Variants in AGBL1 observed in about 807,000 individuals in gnomAD.
AGBL1 encodes cytosolic carboxypeptidase 4.
Under a neutral mutation model 118.9 loss-of-function variants are expected in AGBL1, and 130 were observed. The observed-to-expected ratio is 1.09, with a 90% CI of 0.95 to 1.26. The LOEUF is 1.26. AGBL1 is among the 50% of genes most tolerant of loss of function. The probability of loss-of-function intolerance (pLI) is 0.00; values close to 1 mark genes in which losing one functional copy is unlikely to be tolerated. For synonymous variants in AGBL1, 555 were observed against 478.9 expected (o/e 1.16, Z -2.08); for missense variants, 1,584 against 1,298.1 (o/e 1.22, Z -3.38).
At chr15:86,307,569 T>A (rs959373569) in intron 17 of AGBL1, among the ~76,000 whole-genome samples, 1 of 152,146 alleles carries the variant, frequency 6.6e-6, no homozygotes, top group Non-Finnish European at 1.5e-5. Flanking sequence ...ATGTGCCTGG[T>A]TGCATAGCTA....
At chr15:86,506,911 G>A (rs1021396773) in intron 18 of AGBL1, among the ~76,000 whole-genome samples, 4 of 151,914 alleles carry the variant, frequency 2.6e-5, no homozygotes, top group Non-Finnish European at 4.4e-5. Flanking sequence ...TTTTCTTAAG[G>A]AATATTATTT....
At chr15:86,758,836 G>T (rs550098538) in intron 22 of AGBL1, among the ~76,000 whole-genome samples, 2 of 151,888 alleles carry the variant, frequency 1.3e-5, no homozygotes, top group East Asian at 3.9e-4. Context: ...AACTGGGCAT[G>T]GTGGTACATG....
chr15:86,978,896 GGT>G (rs1043746795), intron 23 of AGBL1, among the ~76,000 whole-genome samples: 28 of 152,182 alleles, frequency 1.8e-4, no homozygotes, highest in African/African-American at 6.8e-4. Flanking sequence ...ACCCATAAGA[GGT>G]GGAGAATTGA....
At chr15:86,111,931 T>C (rs530653693) in intron 1 of AGBL1, among the ~76,000 whole-genome samples, 19 of 152,270 alleles carry the variant, frequency 1.2e-4, no homozygotes, top group African/African-American at 4.1e-4. Context: ...TAGATTCTCA[T>C]AGGAGCACGA....
At chr15:86,436,666 A>G (rs2082004075) in intron 18 of AGBL1, among the ~76,000 whole-genome samples, 1 of 152,186 alleles carries the variant, frequency 6.6e-6, no homozygotes, top group African/African-American at 2.4e-5. Flanking sequence ...GAAGACTTAT[A>G]TTAGTAATAA....
At chr15:86,224,657 A>C (rs546828779) in intron 5 of AGBL1, among the ~76,000 whole-genome samples, 5 of 152,266 alleles carry the variant, frequency 3.3e-5, no homozygotes, top group African/African-American at 1.2e-4. Context: ...GGAAGGTGGG[A>C]GGCAAGCAGG....
intron 22 of AGBL1, among the ~76,000 whole-genome samples, chr15:86,742,386 A>C (rs985154692): frequency 6.6e-6 from 1 of 152,182 alleles, no homozygotes; most frequent in East Asian, 1.9e-4. Flanking sequence ...AGAAGTGACT[A>C]AACTCTTCTT....
rs544962533 is a variant in AGBL1 at position 86,200,777 on chromosome 15, C to T, written c.489-24137C>T. Among the ~76,000 whole-genome samples the T allele has an allele frequency of 2.2e-4, 34 of 151,926 alleles. 1 individual carries two copies. The highest frequency in any genetic ancestry group is 3.4e-3 in the Middle Eastern group (1 of 292). On this transcript the variant is annotated intron_variant, in intron 5 of 22. Coordinates refer to ENST00000614907, the MANE Select transcript of AGBL1 (RefSeq NM_001386094.1). Reference sequence around the variant, plus strand: ...GATTATAGGCACCTGCCACCACGCCCGGCTAATTGTTGTATTTCAGTAGAG... The same window carrying T: ...GATTATAGGCACCTGCCACCACGCCTGGCTAATTGTTGTATTTCAGTAGAG...
intron 23 of AGBL1, among the ~76,000 whole-genome samples, chr15:86,978,082 A>G (rs2081193032): frequency 1.3e-5 from 2 of 152,174 alleles, no homozygotes. Flanking sequence ...TACTTTTCTA[A>G]TTCAGTTAAA....
chr15:86,511,326 A>G (rs1351410157), intron 18 of AGBL1, among the ~76,000 whole-genome samples: 1 of 152,050 alleles, frequency 6.6e-6, no homozygotes, highest in Non-Finnish European at 1.5e-5. Flanking sequence ...ATTGGACTCC[A>G]GAGTTCAACA....
At chr15:86,587,759 G>A (rs112969903) in intron 21 of AGBL1, among the ~76,000 whole-genome samples, 2,212 of 152,308 alleles carry the variant, frequency 0.015, 55 homozygotes, top group African/African-American at 0.051. Context: ...ACCGCAGAAA[G>A]TGACCAAGAC....
intron 5 of AGBL1, among the ~76,000 whole-genome samples, chr15:86,171,640 A>G (rs1334245639): frequency 6.6e-6 from 1 of 152,172 alleles, no homozygotes. Flanking sequence ...AAACCTAACC[A>G]TAACTCCTGA....
intron 21 of AGBL1, among the ~76,000 whole-genome samples, chr15:86,658,060 T>C (rs1237542115): frequency 6.6e-6 from 1 of 151,984 alleles, no homozygotes; most frequent in East Asian, 1.9e-4. Context: ...TGTATATGCA[T>C]ATATATATGT....
intron 22 of AGBL1, among the ~76,000 whole-genome samples, chr15:86,693,015 A>T (rs1448590234): frequency 6.6e-6 from 1 of 152,098 alleles, no homozygotes; most frequent in Non-Finnish European, 1.5e-5. Flanking sequence ...GTTGATTGAT[A>T]GGCTTTTGAG....
At chr15:86,848,075 C>T (rs921627220) in intron 22 of AGBL1, among the ~76,000 whole-genome samples, 1 of 151,962 alleles carries the variant, frequency 6.6e-6, no homozygotes, top group African/African-American at 2.4e-5. Flanking sequence ...TCCTCTTTTT[C>T]AGTGAAGCTT....
chr15:86,142,183 A>G, intron 2 of AGBL1, 116 bp downstream of exon 2: 1 of 1,010,898 alleles, frequency 9.9e-7, no homozygotes. Flanking sequence ...TTCCTGTGAG[A>G]GGCAGCATCA....
chr15:87,005,626 TG>T (rs2141770157), intron 24 of AGBL1, among the ~76,000 whole-genome samples: 1 of 152,320 alleles, frequency 6.6e-6, no homozygotes, highest in South Asian at 2.1e-4. Flanking sequence ...TTCTTTGCCA[TG>T]GGTTCGAACT....
intron 22 of AGBL1, among the ~76,000 whole-genome samples, chr15:86,699,538 T>C (rs536832734): frequency 2.0e-5 from 3 of 150,184 alleles, no homozygotes; most frequent in African/African-American, 7.4e-5. Context: ...CCTTGATCTT[T>C]CTTGGCCTTT....
At chr15:86,242,286 A>C (rs185919664) in intron 6 of AGBL1, among the ~76,000 whole-genome samples, 1 of 152,306 alleles carries the variant, frequency 6.6e-6, no homozygotes, top group East Asian at 1.9e-4. Flanking sequence ...AAAAAAATAG[A>C]TGATGCTGAT....
Sources: allele counts gnomAD v4.1 joint callset (sites outside exome capture counted in the v4.1 genomes callset), GRCh38; gene constraint gnomAD v4.1.1; transcripts MANE v1.5; gene names NCBI Gene and HGNC (gene_info 2026-07-23, HGNC 2026-07-21).